ATG4C: variants seen among roughly 807,000 people sequenced by gnomAD.
The protein encoded by ATG4C is autophagy related 4C cysteine peptidase.
In ATG4C, 56 loss-of-function variants were observed where a neutral mutation model predicts 57.6. That is an observed-to-expected ratio of 0.97 (90% confidence interval 0.78 to 1.21). The LOEUF is 1.21. Among genes scored for constraint, ATG4C ranks in the 50% most tolerant of loss-of-function variants. The pLI, the probability that ATG4C is intolerant of heterozygous loss-of-function variation, is 0.00. For missense variants in ATG4C, 595 were observed against 529.8 expected (o/e 1.12, Z -1.21); for synonymous variants, 157 against 174.1 (o/e 0.90, Z 0.78).
At chr1:62,855,697 C>G (rs1474800269) in intron 10 of ATG4C, among the ~76,000 whole-genome samples, 1 of 152,168 alleles carries the variant, frequency 6.6e-6, no homozygotes, top group Non-Finnish European at 1.5e-5. Context: ...ACCAACCAAA[C>G]CTTCTGAGAT....
intron 9 of ATG4C, among the ~76,000 whole-genome samples, chr1:62,837,590 A>G (rs1368888142): frequency 6.6e-6 from 1 of 152,200 alleles, no homozygotes; most frequent in Non-Finnish European, 1.5e-5. Context: ...CTGGGTCCCC[A>G]ATTCCAAATG....
At chr1:62,850,856 A>ATGTATG (rs1181424516) in intron 10 of ATG4C, among the ~76,000 whole-genome samples, 12 of 41,172 alleles carry the variant, frequency 2.9e-4, no homozygotes, top group African/African-American at 9.3e-4. Context: ...GTATGTATGT[A>ATGTATG]TATATATATA....
At chr1:62,802,656 T>C (rs1414364026) in intron 1 of ATG4C, among the ~76,000 whole-genome samples, 1 of 152,118 alleles carries the variant, frequency 6.6e-6, no homozygotes, top group Non-Finnish European at 1.5e-5. Context: ...AAATTGCTCT[T>C]AGGATAAAGA....
chr1:62,801,784 C>T (rs1298400398), intron 1 of ATG4C, among the ~76,000 whole-genome samples: 5 of 151,594 alleles, frequency 3.3e-5, no homozygotes, highest in Admixed American at 3.3e-4. Flanking sequence ...CGGTGAAAAC[C>T]CGTCTCTACT....
chr1:62,824,915 T>A (rs2100325679), intron 6 of ATG4C, among the ~76,000 whole-genome samples: 2 of 152,218 alleles, frequency 1.3e-5, no homozygotes, highest in East Asian at 3.9e-4. Context: ...GTGATCCTCC[T>A]GCCGCAGCCT....
At chr1:62,850,905 T>TATATATATAC (rs1557992762) in intron 10 of ATG4C, among the ~76,000 whole-genome samples, 2 of 45,524 alleles carry the variant, frequency 4.4e-5, no homozygotes, top group Non-Finnish European at 9.3e-5. Context: ...TATATATACA[T>TATATATATAC]ACACATACAC....
At chr1:62,828,688 G>T (rs1425037458) in intron 6 of ATG4C, among the ~76,000 whole-genome samples, 1 of 152,132 alleles carries the variant, frequency 6.6e-6, no homozygotes, top group Non-Finnish European at 1.5e-5. Context: ...CGCTTTTGTT[G>T]CGATTGTTTT....
chr1:62,838,791 A>C (rs1331585521), intron 9 of ATG4C, among the ~76,000 whole-genome samples: 3 of 152,114 alleles, frequency 2.0e-5, no homozygotes, highest in Admixed American at 2.0e-4. Flanking sequence ...AAAAAAAAAA[A>C]AAAAAGTTTA....
At chr1:62,850,644 G>T (rs1056759061) in intron 10 of ATG4C, among the ~76,000 whole-genome samples, 1 of 151,598 alleles carries the variant, frequency 6.6e-6, no homozygotes, top group African/African-American at 2.4e-5. Context: ...TGTTTCCTGT[G>T]CCTGGCATTC....
At chr1:62,835,287 T>G (rs1665964863) in intron 9 of ATG4C, 1 of 259,122 alleles carries the variant, frequency 3.9e-6, no homozygotes, top group African/African-American at 2.3e-5. Context: ...GTACAGTAAT[T>G]AAATCTTAGC....
At chr1:62,795,932 TA>T (rs112428626) in intron 1 of ATG4C, among the ~76,000 whole-genome samples, 5,975 of 152,016 alleles carry the variant, frequency 0.039, 423 homozygotes, top group African/African-American at 0.14. Flanking sequence ...AATTGTGAAG[TA>T]TATTATTTTG....
chr1:62,788,865 T>C (rs1664173454), intron 1 of ATG4C, among the ~76,000 whole-genome samples: 1 of 151,454 alleles, frequency 6.6e-6, no homozygotes, highest in Non-Finnish European at 1.5e-5. Context: ...TGGGTTTTTC[T>C]TTTTTTTTCT....
chr1:62,803,697 T>A (rs911479454), intron 1 of ATG4C, 22 bp from the exon 2 acceptor site: 17 of 833,290 alleles, frequency 2.0e-5, no homozygotes, highest in Non-Finnish European at 3.0e-5. Flanking sequence ...TAATTACTGA[T>A]TTTTTTCCTT....
At chr1:62,813,731 AG>A (rs1665169012) in intron 3 of ATG4C, among the ~76,000 whole-genome samples, 1 of 152,224 alleles carries the variant, frequency 6.6e-6, no homozygotes. Context: ...AGAATCTACA[AG>A]GAACTTAAAC....
chr1:62,798,696 G>A (rs901159377), intron 1 of ATG4C, among the ~76,000 whole-genome samples: 34 of 151,892 alleles, frequency 2.2e-4, no homozygotes, highest in Non-Finnish European at 2.5e-4. Context: ...CCAGGCTGGA[G>A]TGCAGTGGCA....
At chr1:62,832,182 A>G (rs111699970) in intron 7 of ATG4C, among the ~76,000 whole-genome samples, 2,244 of 107,192 alleles carry the variant, frequency 0.021, 48 homozygotes, top group African/African-American at 0.081. Context: ...TTAACCTGAT[A>G]TGCTTTCTCT....
At chr1:62,809,381 G>C (rs1664990439) in intron 3 of ATG4C, among the ~76,000 whole-genome samples, 1 of 147,114 alleles carries the variant, frequency 6.8e-6, no homozygotes, top group African/African-American at 2.5e-5. Context: ...GTACATTATA[G>C]TAAATGTATA....
In ATG4C at chr1:62,834,037, G is replaced by A. The variant is rs1186196152; in HGVS notation, c.934-1G>A. On this transcript the variant is annotated splice_acceptor_variant, in intron 7 of 10. Transcript: ENST00000317868. LOFTEE classifies it high-confidence loss of function. The stretch of plus-strand genomic sequence containing the variant: ...AAATCTGTATTAATTTTTTTTGGCA[G>A]GGTATTTTAAGCCTGGAATATTGTG... The A allele has an allele frequency of 3.1e-6, 5 of 1,608,460 alleles. No individual in the cohort carries two copies. Among genetic ancestry groups the A allele is most frequent in the Non-Finnish European group, 4.2e-6 (5 of 1,177,828 alleles).
intron 10 of ATG4C, among the ~76,000 whole-genome samples, chr1:62,859,736 G>A (rs770409815): frequency 5.3e-5 from 8 of 150,656 alleles, no homozygotes; most frequent in Non-Finnish European, 8.9e-5. Context: ...TCGCTCTGTC[G>A]CCAGGCTGGA....
Sources: gnomAD v4.1 joint callset for allele counts (sites outside exome capture counted in the v4.1 genomes callset) on GRCh38, gnomAD v4.1.1 for gene constraint, MANE v1.5 for transcripts, NCBI Gene and HGNC (gene_info 2026-07-23, HGNC 2026-07-21) for gene names.